Variants in MARK2 observed in about 807,000 individuals in gnomAD.
MARK2 encodes serine/threonine-protein kinase MARK2.
MARK2 carries 16 observed loss-of-function variants against 89.8 expected under a neutral mutation model. The observed-to-expected ratio is 0.18, with a 90% CI of 0.12 to 0.27. MARK2 has a LOEUF of 0.27. Among genes scored for constraint, MARK2 ranks in the 10% least tolerant of loss-of-function variants. MARK2 has a pLI of 1.00. For synonymous variants in MARK2, 382 were observed against 399.5 expected (o/e 0.96, Z 0.52); for missense variants, 621 against 1,049.9 (o/e 0.59, Z 5.65).
chr11:63,856,738 CTCATTTTTT>C (rs2016870648), intron 1 of MARK2, among the ~76,000 whole-genome samples: 1 of 114,268 alleles, frequency 8.8e-6, no homozygotes, highest in African/African-American at 3.2e-5. Context: ...TTTTATTTTT[CTCATTTTTT>C]TCCATTTTTA....
chr11:63,890,185 T>C, intron 1 of MARK2: 1 of 1,294,090 alleles, frequency 7.7e-7, no homozygotes, highest in South Asian at 1.2e-5. Flanking sequence ...GACTCTCTCC[T>C]CTCTTTTCCC....
chr11:63,905,507 C>T (rs1048408149), intron 16 of MARK2, among the ~76,000 whole-genome samples: 1 of 152,216 alleles, frequency 6.6e-6, no homozygotes, highest in East Asian at 1.9e-4. Context: ...TGGCTGCAGG[C>T]GCAGCCATGC....
chr11:63,868,475 C>T (rs543226521), intron 1 of MARK2: 7 of 251,090 alleles, frequency 2.8e-5, no homozygotes, highest in Non-Finnish European at 8.1e-6. Flanking sequence ...TAACCAGTAT[C>T]TTAAGTAGGT....
chr11:63,907,636 A>G (rs1336465933), intron 17 of MARK2, among the ~76,000 whole-genome samples: 2 of 141,798 alleles, frequency 1.4e-5, no homozygotes, highest in Non-Finnish European at 3.1e-5. Context: ...CTGGCAGGCC[A>G]GCAGGTAGGG....
At chr11:63,895,091 AT>A in intron 1 of MARK2, 67 bp from the exon 2 acceptor site, 1 of 1,382,518 alleles carries the variant, frequency 7.2e-7, no homozygotes, top group Non-Finnish European at 1.0e-6. Flanking sequence ...TCCCTTATAT[AT>A]TTTGCAGAGA....
At chr11:63,855,315 T>C (rs2016784508) in intron 1 of MARK2, among the ~76,000 whole-genome samples, 1 of 152,066 alleles carries the variant, frequency 6.6e-6, no homozygotes, top group South Asian at 2.1e-4. Context: ...GGTCAGAAGT[T>C]CAAGACCAGC....
At chr11:63,859,756 C>T (rs759860793) in intron 1 of MARK2, among the ~76,000 whole-genome samples, 1 of 151,876 alleles carries the variant, frequency 6.6e-6, no homozygotes, top group Non-Finnish European at 1.5e-5. Flanking sequence ...CTCGGCCTCC[C>T]GAGTAGCTGG....
In MARK2 at chr11:63,899,907, A is replaced by G. The variant is rs1334844776; in HGVS notation, c.565A>G (p.Ile189Val). The G allele has an allele frequency of 6.2e-7, 1 of 1,614,156 alleles. No individual in the cohort carries two copies. Among genetic ancestry groups the G allele is most frequent in the South Asian group, 1.1e-5 (1 of 91,078 alleles). The change falls in exon 8 of 19, where the codon ATC becomes GTC. Residue 189 changes from isoleucine (I) to valine (V), a missense_variant. Ile to Val is a conservative substitution (Grantham distance 29). Transcript: ENST00000402010. ...ENLLLDADMN[I>V]KIADFGFSNE... ...CCTGCTCTTGGATGCTGATATGAAC[A>G]TCAAGATTGCAGACTTTGGCTTCAG...
intron 1 of MARK2, among the ~76,000 whole-genome samples, chr11:63,894,310 C>T (rs544008386): frequency 2.2e-4 from 33 of 152,206 alleles, no homozygotes; most frequent in Non-Finnish European, 3.5e-4. Flanking sequence ...CGTAGTTCAG[C>T]GGCAGAAATT....
At chr11:63,875,004 GC>G (rs1328208106) in intron 1 of MARK2, among the ~76,000 whole-genome samples, 1 of 152,112 alleles carries the variant, frequency 6.6e-6, no homozygotes, top group African/African-American at 2.4e-5. Context: ...AGGCTGGAGT[GC>G]AGTGGTCTAA....
At chr11:63,898,109 C>G (rs1940566851) in intron 3 of MARK2, 123 bp from the exon 4 acceptor site, 1 of 771,514 alleles carries the variant, frequency 1.3e-6, no homozygotes, top group Non-Finnish European at 2.3e-6. Context: ...AGACAACCAC[C>G]CTATTTTCTT....
At chr11:63,882,221 AT>A (rs11327438) in intron 1 of MARK2, among the ~76,000 whole-genome samples, 72,935 of 150,142 alleles carry the variant, frequency 0.49, 19,716 homozygotes, top group East Asian at 0.89. Flanking sequence ...CAAAATAATA[AT>A]TTTTTTTTTG....
chr11:63,859,672 C>G (rs1002848073), intron 1 of MARK2, among the ~76,000 whole-genome samples: 15 of 151,878 alleles, frequency 9.9e-5, no homozygotes, highest in African/African-American at 3.6e-4. Context: ...CACTCTGTCG[C>G]CCAGGCTGGA....
At chr11:63,850,462 C>T (rs1363245131) in intron 1 of MARK2, among the ~76,000 whole-genome samples, 2 of 151,634 alleles carry the variant, frequency 1.3e-5, no homozygotes, top group South Asian at 2.1e-4. Flanking sequence ...CCACTGCACC[C>T]GCCCTAGTTT....
intron 1 of MARK2, chr11:63,849,960 A>T (rs1419926897): frequency 6.6e-6 from 1 of 152,234 alleles, no homozygotes; most frequent in Non-Finnish European, 1.5e-5. Flanking sequence ...GGCACAGCAG[A>T]ATGATCATTG....
At chr11:63,883,226 C>T (rs564027942) in intron 1 of MARK2, among the ~76,000 whole-genome samples, 4 of 152,160 alleles carry the variant, frequency 2.6e-5, no homozygotes, top group Non-Finnish European at 5.9e-5. Flanking sequence ...GGACCACTGT[C>T]GTCATCCTCT....
At chr11:63,853,291 C>T (rs540353850) in intron 1 of MARK2, among the ~76,000 whole-genome samples, 1 of 151,798 alleles carries the variant, frequency 6.6e-6, no homozygotes, top group African/African-American at 2.4e-5. Flanking sequence ...CCCAGCTACT[C>T]GGGAGGCTGA....
intron 1 of MARK2, among the ~76,000 whole-genome samples, chr11:63,887,937 G>A (rs1939502472): frequency 6.6e-6 from 1 of 152,184 alleles, no homozygotes. Context: ...TTCAGAAGCA[G>A]GGCTGGAAGG....
At position 63,863,879 on chromosome 11, in the gene MARK2, C is replaced by G. The variant is rs570079678; in HGVS notation, c.54+24319C>G. Among the ~76,000 whole-genome samples, 58 of 152,234 alleles carry G rather than the reference C, an allele frequency of 3.8e-4. 1 individual carries two copies. The highest frequency in any genetic ancestry group is 1.3e-3 in the African/African-American group (56 of 41,542). On this transcript the variant is annotated intron_variant, in intron 1 of 18. Coordinates refer to ENST00000402010, the MANE Select transcript of MARK2 (RefSeq NM_001039469.3). ...CCTCAGCCTCCTGGACTCACACAGT[C>G]CTGCCTGAGCCCCCTGAGCACCTGG...
Sources: allele counts gnomAD v4.1 joint callset (sites outside exome capture counted in the v4.1 genomes callset), GRCh38; gene constraint gnomAD v4.1.1; transcripts MANE v1.5; gene names NCBI Gene and HGNC (gene_info 2026-07-23, HGNC 2026-07-21).